RBSN: variants seen among roughly 807,000 people sequenced by gnomAD.
RBSN encodes the protein rabenosyn, RAB effector, also known as rabenosyn-5.
Under a neutral mutation model 60.5 loss-of-function variants are expected in RBSN, and 34 were observed. The ratio of observed to expected loss-of-function variants is 0.56; its 90% CI spans 0.43 to 0.75. RBSN has a LOEUF of 0.75. Among genes scored for constraint, RBSN ranks in the 30% least tolerant of loss-of-function variants. RBSN has a pLI of 0.00. For synonymous variants in RBSN, 322 were observed against 366.9 expected (o/e 0.88, Z 1.40); for missense variants, 845 against 986.8 (o/e 0.86, Z 1.92).
chr3:15,088,967 G>A (rs940063563), intron 5 of RBSN, among the ~76,000 whole-genome samples: 4 of 152,018 alleles, frequency 2.6e-5, no homozygotes, highest in Admixed American at 2.6e-4. Context: ...GGTAAATTTC[G>A]CTTTCCTTCT....
intron 5 of RBSN, among the ~76,000 whole-genome samples, chr3:15,086,718 A>G (rs774834099): frequency 1.3e-5 from 2 of 152,264 alleles, no homozygotes; most frequent in African/African-American, 2.4e-5. Flanking sequence ...ATTTGATACA[A>G]TATGGTTTTT....
At chr3:15,089,755 C>A (rs576706615) in intron 5 of RBSN, among the ~76,000 whole-genome samples, 5 of 151,852 alleles carry the variant, frequency 3.3e-5, no homozygotes, top group African/African-American at 1.2e-4. Flanking sequence ...GGACTACAGG[C>A]GCCCGCCACC....
In RBSN at chr3:15,081,134, G is replaced by A. The variant is rs545277939; in HGVS notation, c.841-332C>T. On this transcript the variant is annotated intron_variant, in intron 9 of 13. Transcript: ENST00000253699. ...GCTCAAGCGATTCTCATGCCTCGGC[G>A]TCCTGAGTAGCTGGAATTACAGGCA... is the stretch of plus-strand genomic sequence containing the variant. 1.6e-4 allele frequency: 33 copies of A among 206,402 alleles called. No individual in the cohort carries two copies. In the South Asian group the frequency reaches 3.3e-3, roughly 21 times the overall value. The allele number at this position is 206,402 out of a possible 1,614,324, so 12.8% of individuals were successfully genotyped here. A position where few individuals can be genotyped will look rare whatever the true frequency, so the allele number is the denominator to read the frequency against.
chr3:15,079,339 G>A (rs1260409613), intron 10 of RBSN, among the ~76,000 whole-genome samples: 1 of 152,100 alleles, frequency 6.6e-6, no homozygotes, highest in Admixed American at 6.5e-5. Flanking sequence ...GCAAAATAGT[G>A]CAGTCATTCC....
intron 4 of RBSN, among the ~76,000 whole-genome samples, chr3:15,094,997 G>C (rs1276715389): frequency 6.6e-6 from 1 of 152,090 alleles, no homozygotes; most frequent in East Asian, 1.9e-4. Flanking sequence ...AAGTTCCAGA[G>C]GAGCAGCATC....
intron 1 of RBSN, among the ~76,000 whole-genome samples, chr3:15,098,479 T>C (rs149423978): frequency 1.9e-5 from 2 of 106,902 alleles, no homozygotes; most frequent in African/African-American, 4.6e-5. Context: ...ATAAAAAAAA[T>C]AAATATAGCT....
At position 15,070,738 on chromosome 3, in the gene RBSN, A is replaced by G. The variant is rs565237214; in HGVS notation, c.*3044T>C. Reference sequence around the variant, plus strand: ...AGATAATCGTGGAAGAATTAAATGGAAGAATTCATAGAAGAATACAGCCAT... The same window carrying G: ...AGATAATCGTGGAAGAATTAAATGGGAGAATTCATAGAAGAATACAGCCAT... On this transcript the variant is annotated 3_prime_UTR_variant, in exon 14 of 14. Coordinates refer to ENST00000253699, the MANE Select transcript of RBSN (RefSeq NM_022340.4). 3 of 152,818 alleles carry G rather than the reference A, an allele frequency of 2.0e-5. No individual in the cohort carries two copies. In the South Asian group the frequency reaches 6.2e-4, roughly 32 times the overall value. 9.5% of individuals were successfully genotyped at this position (152,818 alleles called of 1,614,324 possible).
rs1473614417 is a variant in RBSN, at chr3:15,082,638, G to A, written c.599-30C>T. On this transcript the variant is annotated intron_variant, in intron 8 of 13. Transcript: ENST00000253699. The surrounding 1 kb of genome is among the most constrained non-coding windows in gnomAD (Gnocchi z 4.2). ...AACCACAACACCAACAGGCAGCAAT[G>A]ACCCCCACAGCATCCAATTACCATA... 6.2e-7 allele frequency: 1 copy of A among 1,608,280 alleles called. No individual in the cohort carries two copies. The highest frequency in any genetic ancestry group is 1.7e-5 in the Admixed American group (1 of 59,552).
chr3:15,080,115 C>T (rs550705377), intron 10 of RBSN, among the ~76,000 whole-genome samples: 1 of 152,054 alleles, frequency 6.6e-6, no homozygotes, highest in East Asian at 1.9e-4. Flanking sequence ...CGTGGTGGTG[C>T]GTGCCTGTAG....
rs1253720064 is a variant in RBSN, at chr3:15,096,087, C to A, written c.34G>T (p.Glu12Ter). The change falls in exon 4 of 14, where the codon GAG becomes TAG. Residue 12 changes from glutamate (E) to a stop codon, truncating the protein, a stop_gained. Transcript: ENST00000253699. LOFTEE classifies it high-confidence loss of function. Reference sequence around the variant, plus strand: ...AGGCACAGAGGGCAGAGGAAGCCCTCCCTCACTTCCCCTGGGTCGTCCAGA... The same window carrying A: ...AGGCACAGAGGGCAGAGGAAGCCCTACCTCACTTCCCCTGGGTCGTCCAGA... ...ASLDDPGEVR[E>*]GFLCPLCLKD... 1.2e-6 allele frequency: 2 copies of A among 1,607,848 alleles called. No individual in the cohort carries two copies. The highest frequency in any genetic ancestry group is 1.7e-6 in the Non-Finnish European group (2 of 1,176,650).
Position 15,071,239 on chromosome 3 carries a change from T to A in RBSN, c.*2543A>T, listed in dbSNP as rs1169143971. ...GAAGGGTATGTTTAGTGAATTAGTC[T>A]TAATCAAAATCACTAGCTAATTAAA... On this transcript the variant is annotated 3_prime_UTR_variant, in exon 14 of 14. Coordinates refer to ENST00000253699, the MANE Select transcript of RBSN (RefSeq NM_022340.4). 18 of 152,262 alleles carry A rather than the reference T, an allele frequency of 1.2e-4. No individual in the cohort carries two copies. Among genetic ancestry groups the A allele is most frequent in the Non-Finnish European group, 1.3e-4 (9 of 68,048 alleles). The allele number at this position is 152,262 out of a possible 1,614,324, so 9.4% of individuals were successfully genotyped here.
chr3:15,082,707 A>G lies in RBSN; in HGVS notation c.599-99T>C, dbSNP rs923019233. The stretch of plus-strand genomic sequence containing the variant: ...CAGTCCACAGGTGTTTGATTTGGAG[A>G]GTAATAAGATCAGGCTCCAGCTGTG... On this transcript the variant is annotated intron_variant, in intron 8 of 13. Transcript: ENST00000253699. The surrounding 1 kb of genome is among the most constrained non-coding windows in gnomAD (Gnocchi z 4.2). 6.7e-7 allele frequency: 1 copy of G among 1,489,872 alleles called. No individual in the cohort carries two copies. The highest frequency in any genetic ancestry group is 9.0e-7 in the Non-Finnish European group (1 of 1,106,514). The allele number at this position is 1,489,872 out of a possible 1,614,324, so 92.3% of individuals were successfully genotyped here. A position where few individuals can be genotyped will look rare whatever the true frequency, so the allele number is the denominator to read the frequency against.
chr3:15,087,032 A>C (rs553009191), intron 5 of RBSN, among the ~76,000 whole-genome samples: 1 of 152,198 alleles, frequency 6.6e-6, no homozygotes, highest in African/African-American at 2.4e-5. Flanking sequence ...CTTTTAAAAA[A>C]TTTTTTAATT....
In RBSN at chr3:15,073,594, AT is replaced by A; in HGVS notation, c.*187del. ...GCTGATTCTCCCTGTTCTAGTTTCT[AT>A]TTTATTATTCAACTGTAGTGGAAAT... is the stretch of plus-strand genomic sequence containing the variant. On this transcript the variant is annotated 3_prime_UTR_variant, in exon 14 of 14. Transcript: ENST00000253699. 1.8e-6 allele frequency: 1 copy of A among 546,954 alleles called. No individual in the cohort carries two copies. Among genetic ancestry groups the A allele is most frequent in the East Asian group, 3.0e-5 (1 of 33,408 alleles). 33.9% of individuals were successfully genotyped at this position (546,954 alleles called of 1,614,324 possible). A position where few individuals can be genotyped will look rare whatever the true frequency, so the allele number is the denominator to read the frequency against.
chr3:15,073,869 G>C lies in RBSN; in HGVS notation c.2268C>G (p.Cys756Trp). The C allele has an allele frequency of 6.2e-7, 1 of 1,613,946 alleles. No homozygotes were observed. Among genetic ancestry groups the C allele is most frequent in the Non-Finnish European group, 8.5e-7 (1 of 1,180,010 alleles). ...GCACCTCTACCTCATCCAGGCGGCC[G>C]CACTGCTTGGCATCAAAGATGTATG... The part of the protein sequence containing the change: ...IKAYIFDAKQ[C>W]GRLDEVEVLT... Residue 756 changes from cysteine to tryptophan, a missense_variant, in exon 14 of 14, where the codon TGC becomes TGG. By Grantham distance (215) the Cys-to-Trp change is radical (BLOSUM62 -2). Transcript: ENST00000253699.
At position 15,085,088 on chromosome 3, in the gene RBSN, T is replaced by C. The variant is rs771353544; in HGVS notation, c.391-43A>G. ...GTGCCAAATGAAATTAACCAGGTGA[T>C]GTATACATGCTCCACACTTTCCAAT... On this transcript the variant is annotated intron_variant, in intron 6 of 13. Coordinates refer to ENST00000253699, the MANE Select transcript of RBSN (RefSeq NM_022340.4). The C allele has an allele frequency of 1.1e-5, 18 of 1,608,650 alleles. No homozygotes were observed. The African/African-American group carries it at 1.3e-4, about 12-fold the overall frequency.
chr3:15,074,943 C>T lies in RBSN; in HGVS notation c.1207-13G>A. 6.3e-7 allele frequency: 1 copy of T among 1,593,966 alleles called. No homozygotes were observed. The highest frequency in any genetic ancestry group is 8.5e-7 in the Non-Finnish European group (1 of 1,171,876). ...ACTCCAGGGCAGCCTGGGGAGAGAG[C>T]AAAGCAGAGAGAAGAAACAGTCACT... On this transcript the variant is annotated splice_polypyrimidine_tract_variant and intron_variant, in intron 13 of 13. Coordinates refer to ENST00000253699, the MANE Select transcript of RBSN (RefSeq NM_022340.4). This position sits in a 1 kb window ranked among gnomAD's most constrained non-coding sequence, Gnocchi z 6.4.
intron 13 of RBSN, chr3:15,075,392 C>T: frequency 1.5e-6 from 1 of 674,932 alleles, no homozygotes; most frequent in Non-Finnish European, 2.7e-6. Flanking sequence ...AGAGAATCAG[C>T]AGAAGCTCTG....
intron 10 of RBSN, 115 bp downstream of exon 10, chr3:15,080,617 T>G: frequency 2.0e-6 from 2 of 1,022,636 alleles, no homozygotes; most frequent in Non-Finnish European, 3.0e-6. Context: ...TCAGCTGGTC[T>G]CAGAAAAAAA....
Sources: gnomAD v4.1 joint callset for allele counts (sites outside exome capture counted in the v4.1 genomes callset) on GRCh38, gnomAD v4.1.1 for gene constraint, Gnocchi (gnomAD v3.1) non-coding constraint, MANE v1.5 for transcripts, NCBI Gene and HGNC (gene_info 2026-07-23, HGNC 2026-07-21) for gene names.